Variants in CSMD1 observed in about 807,000 individuals in gnomAD.
CSMD1 encodes the protein CUB and sushi domain-containing protein 1.
A neutral mutation model predicts 417.5 loss-of-function variants in CSMD1; 213 were observed. That is an observed-to-expected ratio of 0.51 (90% CI 0.46 to 0.57). The LOEUF is 0.57. Ranked by LOEUF, CSMD1 falls within the 20% of genes least tolerant of loss-of-function variation. The pLI is 0.00. For synonymous variants in CSMD1, 2,862 were observed against 1,736.8 expected, an observed-to-expected ratio of 1.65 and a Z score of -16.11; for missense variants, 6,923 against 4,529.7, an observed-to-expected ratio of 1.53 and a Z score of -15.17.
chr8:3,277,731 G>T (rs1443368227), intron 26 of CSMD1, among the ~76,000 whole-genome samples: 1 of 152,170 alleles, frequency 6.6e-6, no homozygotes, highest in Non-Finnish European at 1.5e-5. Context: ...CAAGAAGGCA[G>T]GTGGACACTC....
chr8:4,631,877 C>T (rs542330147), intron 2 of CSMD1, among the ~76,000 whole-genome samples: 1 of 152,126 alleles, frequency 6.6e-6, no homozygotes, highest in Admixed American at 6.5e-5. Context: ...TTGTATTTTA[C>T]AATAATCATG....
intron 2 of CSMD1, among the ~76,000 whole-genome samples, chr8:4,483,250 C>T (rs774199539): frequency 6.6e-6 from 1 of 152,198 alleles, no homozygotes; most frequent in African/African-American, 2.4e-5. Context: ...GACTGTGAGG[C>T]CTCCCCAGCC....
chr8:3,951,745 G>A (rs891347781), intron 5 of CSMD1, among the ~76,000 whole-genome samples: 12 of 152,100 alleles, frequency 7.9e-5, no homozygotes, highest in African/African-American at 1.9e-4. Flanking sequence ...GCATTAAAAC[G>A]TAATAGATGA....
chr8:3,100,446 T>C (rs529367352), intron 46 of CSMD1, among the ~76,000 whole-genome samples: 2 of 152,340 alleles, frequency 1.3e-5, no homozygotes, highest in South Asian at 4.1e-4. Context: ...CTTAGAGCAA[T>C]ACTCAGTTGG....
rs190632991 is a variant in CSMD1 at position 3,152,760 on chromosome 8, C to T, written c.5915-1247G>A. 3.5e-4 allele frequency among the ~76,000 whole-genome samples: 54 copies of T among 152,312 alleles called. No individual in the cohort carries two copies. The South Asian group carries it at 3.9e-3, about 11-fold the overall frequency. On this transcript the variant is annotated intron_variant, in intron 39 of 69. Coordinates refer to ENST00000635120, the MANE Select transcript of CSMD1 (RefSeq NM_033225.6). The stretch of plus-strand genomic sequence containing the variant: ...CTATTTAAAGTATAACCTCTCAAGG[C>T]GACTTCTTTGTGGCAGAGACTAGGC...
intron 3 of CSMD1, among the ~76,000 whole-genome samples, chr8:4,178,438 A>G (rs1472530952): frequency 2.0e-5 from 3 of 151,386 alleles, no homozygotes; most frequent in South Asian, 2.1e-4. Flanking sequence ...TCTCAAAATA[A>G]TAAGAGCTAT....
At chr8:4,991,031 T>C (rs75945392) in intron 1 of CSMD1, among the ~76,000 whole-genome samples, 1,564 of 152,238 alleles carry the variant, frequency 0.01, 21 homozygotes, top group South Asian at 0.072. Flanking sequence ...CGTAGTAGTG[T>C]TGTGTGTGCT....
chr8:4,322,139 A>G lies in CSMD1; in HGVS notation c.415+97814T>C, dbSNP rs565724928. 1.1e-4 allele frequency among the ~76,000 whole-genome samples: 16 copies of G among 152,306 alleles called. No homozygotes were observed. The South Asian group carries it at 2.7e-3, about 26-fold the overall frequency. The stretch of plus-strand genomic sequence containing the variant: ...AAATATTGGATCATTTTATCCTCCG[A>G]TTTCTTTACATTTGAAATAACATTG... On this transcript the variant is annotated intron_variant, in intron 3 of 69. Transcript: ENST00000635120.
intron 4 of CSMD1, among the ~76,000 whole-genome samples, chr8:4,027,527 C>T (rs1797125246): frequency 1.3e-5 from 2 of 152,126 alleles, no homozygotes; most frequent in African/African-American, 4.8e-5. Flanking sequence ...CTCTGTACTT[C>T]TCGCTCCTGC....
At chr8:4,198,871 C>G (rs1330300242) in intron 3 of CSMD1, among the ~76,000 whole-genome samples, 1 of 152,036 alleles carries the variant, frequency 6.6e-6, no homozygotes, top group Non-Finnish European at 1.5e-5. Context: ...ACGTATTTCC[C>G]CTTCCTTTTA....
chr8:3,375,070 A>C (rs932644682), intron 18 of CSMD1: 7 of 152,192 alleles, frequency 4.6e-5, no homozygotes, highest in Non-Finnish European at 8.8e-5. Flanking sequence ...GGACGGTGGC[A>C]TTCACCTCCA....
intron 3 of CSMD1, among the ~76,000 whole-genome samples, chr8:4,186,046 G>T (rs1218582459): frequency 6.6e-6 from 1 of 152,126 alleles, no homozygotes; most frequent in African/African-American, 2.4e-5. Context: ...TGCCTGGGTG[G>T]GCCTGGATTC....
intron 1 of CSMD1, among the ~76,000 whole-genome samples, chr8:4,714,671 T>G (rs193125503): frequency 2.6e-5 from 4 of 152,156 alleles, no homozygotes; most frequent in African/African-American, 7.2e-5. Context: ...GTCTTTAATT[T>G]CATTTAAAAG....
intron 50 of CSMD1, 43 bp downstream of exon 50, chr8:3,052,419 C>A: frequency 6.7e-7 from 1 of 1,502,660 alleles, no homozygotes; most frequent in Non-Finnish European, 9.0e-7. Context: ...ATTCAGTTCC[C>A]ACCTAAACCC....
intron 60 of CSMD1, 101 bp downstream of exon 60, chr8:2,963,121 C>A (rs1803643133): frequency 1.5e-6 from 2 of 1,297,878 alleles, no homozygotes; most frequent in Admixed American, 1.8e-5. Context: ...TATTATTACC[C>A]ACCAGGAAGG....
At chr8:4,248,696 C>G (rs552315899) in intron 3 of CSMD1, among the ~76,000 whole-genome samples, 2 of 152,286 alleles carry the variant, frequency 1.3e-5, no homozygotes, top group African/African-American at 2.4e-5. Flanking sequence ...ACATTACCAA[C>G]ACTTGTATCC....
At chr8:4,299,921 G>A (rs568049393) in intron 3 of CSMD1, among the ~76,000 whole-genome samples, 16 of 152,194 alleles carry the variant, frequency 1.1e-4, no homozygotes, top group South Asian at 8.3e-4. Context: ...AAGCCACTGC[G>A]CCCGGCCCAG....
intron 5 of CSMD1, among the ~76,000 whole-genome samples, chr8:3,800,905 G>A (rs150181485): frequency 6.9e-4 from 105 of 152,186 alleles, no homozygotes; most frequent in African/African-American, 2.0e-3. Flanking sequence ...ACAACCATGA[G>A]TGAAATAAAC....
At chr8:4,469,730 T>C (rs1343718381) in intron 2 of CSMD1, among the ~76,000 whole-genome samples, 2 of 151,986 alleles carry the variant, frequency 1.3e-5, no homozygotes, top group South Asian at 2.1e-4. Flanking sequence ...TCCCTCTACA[T>C]CTCTGCACAG....
Sources: gnomAD v4.1 joint callset for allele counts (sites outside exome capture counted in the v4.1 genomes callset) on GRCh38, gnomAD v4.1.1 for gene constraint, MANE v1.5 for transcripts, NCBI Gene and HGNC (gene_info 2026-07-23, HGNC 2026-07-21) for gene names.